ZNF536: variants seen among roughly 807,000 people sequenced by gnomAD.
ZNF536 encodes zinc finger protein 536.
A neutral mutation model predicts 84.5 loss-of-function variants in ZNF536; 13 were observed. That is an observed-to-expected ratio of 0.15 (90% CI 0.10 to 0.24). ZNF536 has a LOEUF of 0.24. ZNF536 is among the 10% of genes least tolerant of loss of function. ZNF536 has a pLI of 1.00. For missense variants in ZNF536, 1,536 were observed against 1,747.5 expected (o/e 0.88, Z 2.16); for synonymous variants, 811 against 742.5 (o/e 1.09, Z -1.50).
At chr19:30,346,362 C>T (rs2047743008) in intron 2 of ZNF536, among the ~76,000 whole-genome samples, 1 of 152,074 alleles carries the variant, frequency 6.6e-6, no homozygotes, top group Non-Finnish European at 1.5e-5. Flanking sequence ...GTTTTAAGTT[C>T]AGGGGTACCT....
At chr19:30,379,966 CCA>C (rs1320361649) in intron 1 of ZNF536, among the ~76,000 whole-genome samples, 2 of 152,110 alleles carry the variant, frequency 1.3e-5, no homozygotes, top group Non-Finnish European at 2.9e-5. Context: ...GAGCTCAGAT[CCA>C]GAGGGGTAAA....
At chr19:30,466,786 A>C (rs548259176) in intron 2 of ZNF536, among the ~76,000 whole-genome samples, 130 of 125,368 alleles carry the variant, frequency 1.0e-3, no homozygotes, top group African/African-American at 4.1e-3. Flanking sequence ...GGAAGGAAGG[A>C]AGGAAGGAAG....
At chr19:30,553,032 C>T (rs1249490929) in intron 4 of ZNF536, among the ~76,000 whole-genome samples, 1 of 152,154 alleles carries the variant, frequency 6.6e-6, no homozygotes, top group Non-Finnish European at 1.5e-5. Flanking sequence ...AGGTGACTTC[C>T]AGTCTCCAGG....
intron 1 of ZNF536, among the ~76,000 whole-genome samples, chr19:30,696,985 G>C (rs112421176): frequency 0.015 from 2,360 of 152,258 alleles, 82 homozygotes; most frequent in African/African-American, 0.054. Flanking sequence ...TTCTCACACT[G>C]CTACAAAGAT....
chr19:30,680,711 A>T (rs1392621129), intron 1 of ZNF536, among the ~76,000 whole-genome samples: 1 of 152,188 alleles, frequency 6.6e-6, no homozygotes, highest in Non-Finnish European at 1.5e-5. Context: ...CGCAATAAAC[A>T]TACATGTGTA....
chr19:30,326,559 C>A (rs894248246), intron 2 of ZNF536, among the ~76,000 whole-genome samples: 8 of 151,928 alleles, frequency 5.3e-5, no homozygotes, highest in African/African-American at 1.9e-4. Context: ...GAGGAGAGGG[C>A]CAGGGGATGG....
intron 2 of ZNF536, among the ~76,000 whole-genome samples, chr19:30,491,708 A>G (rs576017315): frequency 1.3e-5 from 2 of 152,310 alleles, no homozygotes; most frequent in Admixed American, 6.5e-5. Flanking sequence ...AGAAATCACA[A>G]TTTCAGCCTC....
intron 1 of ZNF536, among the ~76,000 whole-genome samples, chr19:30,430,025 C>A (rs1174154195): frequency 4.8e-5 from 6 of 124,504 alleles, no homozygotes; most frequent in Non-Finnish European, 9.9e-5. Context: ...GGGGTTAGCT[C>A]TTTATGGAGG....
chr19:30,453,853 T>TTG (rs1162073344), intron 2 of ZNF536, among the ~76,000 whole-genome samples: 1 of 152,256 alleles, frequency 6.6e-6, no homozygotes, highest in East Asian at 1.9e-4. Context: ...GCTTAGCTTC[T>TTG]TGTGGGACCC....
intron 2 of ZNF536, among the ~76,000 whole-genome samples, chr19:30,508,171 C>T (rs1240762191): frequency 6.6e-6 from 1 of 152,164 alleles, no homozygotes. Context: ...CCACTAGAGC[C>T]TTTTACCATT....
chr19:30,469,389 G>C (rs1394186382), intron 2 of ZNF536, among the ~76,000 whole-genome samples: 4 of 152,090 alleles, frequency 2.6e-5, no homozygotes, highest in Non-Finnish European at 4.4e-5. Flanking sequence ...TCCAGCCTGG[G>C]CAACAGAGTG....
chr19:30,325,540 G>A lies in ZNF536; in HGVS notation c.-119-26828G>A, dbSNP rs902328851. On this transcript the variant is annotated intron_variant, in intron 2 of 5. Transcript: ENST00000585628. ...AGTGACAGCCTGTGCATGGAGAGCT[G>A]TGAAAGGCTGAGGGCAGCGGAGAGG... Among the ~76,000 whole-genome samples the A allele has an allele frequency of 3.9e-5, 6 of 152,238 alleles. No individual in the cohort carries two copies. In the East Asian group the frequency reaches 9.6e-4, roughly 24 times the overall value.
chr19:30,576,028 A>ATAAG (rs1419163956), intron 1 of ZNF536, among the ~76,000 whole-genome samples: 1 of 152,198 alleles, frequency 6.6e-6, no homozygotes. Context: ...GGCTCATGGT[A>ATAAG]TAAGGGTCAA....
intron 1 of ZNF536, among the ~76,000 whole-genome samples, chr19:30,662,756 T>C (rs16964493): frequency 0.3 from 45,610 of 151,804 alleles, 8,982 homozygotes; most frequent in African/African-American, 0.56. Context: ...GTGTTTAAGC[T>C]GCCCTGACGG....
chr19:30,596,509 T>A (rs1169132039), intron 1 of ZNF536, among the ~76,000 whole-genome samples: 1 of 152,218 alleles, frequency 6.6e-6, no homozygotes, highest in Non-Finnish European at 1.5e-5. Flanking sequence ...TCAGCCATTT[T>A]ACAGAAATGT....
chr19:30,631,696 CG>C (rs1263540337), intron 1 of ZNF536, among the ~76,000 whole-genome samples: 3 of 152,062 alleles, frequency 2.0e-5, no homozygotes, highest in Non-Finnish European at 4.4e-5. Context: ...TTACCAGTGA[CG>C]GGGGATTGGG....
chr19:30,434,067 C>T (rs1268750601), intron 1 of ZNF536, among the ~76,000 whole-genome samples: 1 of 151,828 alleles, frequency 6.6e-6, no homozygotes, highest in Non-Finnish European at 1.5e-5. Flanking sequence ...GGCAGGGGAC[C>T]AAGGTCACAC....
chr19:30,314,747 G>T (rs1285349866), intron 2 of ZNF536, among the ~76,000 whole-genome samples: 1 of 152,100 alleles, frequency 6.6e-6, no homozygotes, highest in East Asian at 1.9e-4. Flanking sequence ...GCTCTTATTG[G>T]TCTGATAGGA....
chr19:30,608,793 A>T (rs763052678), intron 1 of ZNF536, among the ~76,000 whole-genome samples: 1 of 152,202 alleles, frequency 6.6e-6, no homozygotes, highest in Non-Finnish European at 1.5e-5. Context: ...GCTAAGGAAG[A>T]TATAGGACTT....
Sources: allele counts gnomAD v4.1 joint callset (sites outside exome capture counted in the v4.1 genomes callset), GRCh38; gene constraint gnomAD v4.1.1; transcripts MANE v1.5; gene names NCBI Gene and HGNC (gene_info 2026-07-23, HGNC 2026-07-21).